TRHDE: variants seen among roughly 807,000 people sequenced by gnomAD.
TRHDE encodes the protein thyrotropin-releasing hormone-degrading ectoenzyme.
TRHDE carries 72 observed loss-of-function variants against 125.7 expected under a neutral mutation model. The ratio of observed to expected loss-of-function variants is 0.57; its 90% confidence interval spans 0.47 to 0.70. The LOEUF (loss-of-function observed/expected upper bound fraction) is 0.70. TRHDE is among the 30% of genes least tolerant of loss of function. TRHDE has a pLI of 0.00. For synonymous variants in TRHDE, 509 were observed against 509.1 expected, an observed-to-expected ratio of 1.00 and a Z score of 0.00; for missense variants, 1,110 against 1,327.1, an observed-to-expected ratio of 0.84 and a Z score of 2.54.
At chr12:72,236,159 T>C (rs1878334177) in intron 2 of TRHDE, among the ~76,000 whole-genome samples, 1 of 152,180 alleles carries the variant, frequency 6.6e-6, no homozygotes. Flanking sequence ...TTTTGGTATG[T>C]TTTTAAATAT....
chr12:72,621,168 T>G lies in TRHDE; in HGVS notation c.2530T>G (p.Phe844Val). The stretch of plus-strand genomic sequence containing the variant: ...CAAGCTTGGGTGGCCGAAAAATAAT[T>G]TTAATGGATCTCTTGTTCAAGCATC... ...YIKLGWPKNN[F>V]NGSLVQASYQ... is the part of the protein sequence containing the mutation. The change falls in exon 14 of 19, where the codon TTT becomes GTT. Residue 844 changes from phenylalanine to valine, a missense_variant. Phe to Val is a conservative substitution (Grantham distance 50). Transcript: ENST00000261180. 6.2e-7 allele frequency: 1 copy of G among 1,612,488 alleles called. No individual in the cohort carries two copies. The highest frequency in any genetic ancestry group is 2.2e-5 in the East Asian group (1 of 44,802).
chr12:72,542,194 G>T, intron 6 of TRHDE, 97 bp from the exon 7 acceptor site: 1 of 749,338 alleles, frequency 1.3e-6, no homozygotes, highest in Non-Finnish European at 2.0e-6. Context: ...TTTGAAAATA[G>T]AATAGCATGA....
chr12:72,489,309 GA>G (rs1237060906), intron 5 of TRHDE, among the ~76,000 whole-genome samples: 2 of 150,570 alleles, frequency 1.3e-5, no homozygotes, highest in East Asian at 3.9e-4. Context: ...AAATTAAAGT[GA>G]AGAAGTTTGA....
chr12:72,449,570 G>A (rs907926701), intron 3 of TRHDE, among the ~76,000 whole-genome samples: 4 of 151,898 alleles, frequency 2.6e-5, no homozygotes, highest in Admixed American at 1.3e-4. Context: ...TCTTTTCAGT[G>A]TCTCATAGCT....
intron 5 of TRHDE, among the ~76,000 whole-genome samples, chr12:72,478,178 CAA>C (rs1876987471): frequency 6.6e-6 from 1 of 152,260 alleles, no homozygotes; most frequent in South Asian, 2.1e-4. Flanking sequence ...ATTTTATTCT[CAA>C]ATGACTGATA....
At chr12:72,565,946 T>G (rs1244975779) in intron 9 of TRHDE, among the ~76,000 whole-genome samples, 1 of 152,100 alleles carries the variant, frequency 6.6e-6, no homozygotes, top group Non-Finnish European at 1.5e-5. Flanking sequence ...TCTAATTTCC[T>G]AAGTTATTTT....
At chr12:72,508,363 T>A (rs1565770569) in intron 6 of TRHDE, among the ~76,000 whole-genome samples, 1 of 152,196 alleles carries the variant, frequency 6.6e-6, no homozygotes, top group Non-Finnish European at 1.5e-5. Flanking sequence ...GGGGCAGAGC[T>A]GCCTAAGGCC....
At chr12:72,348,081 C>G (rs1870410958) in intron 2 of TRHDE, among the ~76,000 whole-genome samples, 1 of 151,814 alleles carries the variant, frequency 6.6e-6, no homozygotes, top group South Asian at 2.1e-4. Context: ...ATTATATATA[C>G]AGTATTTATG....
intron 5 of TRHDE, among the ~76,000 whole-genome samples, chr12:72,483,869 A>T (rs1307785130): frequency 6.6e-6 from 1 of 152,064 alleles, no homozygotes; most frequent in Non-Finnish European, 1.5e-5. Context: ...TTGAAAGTAA[A>T]GTACAAAAAT....
intron 2 of TRHDE, among the ~76,000 whole-genome samples, chr12:72,321,722 G>A (rs1258048542): frequency 3.9e-5 from 6 of 152,038 alleles, no homozygotes; most frequent in Non-Finnish European, 8.8e-5. Flanking sequence ...CATTATAGAG[G>A]TATACATTAA....
chr12:72,483,828 G>C (rs1187928342), intron 5 of TRHDE, among the ~76,000 whole-genome samples: 5 of 151,868 alleles, frequency 3.3e-5, no homozygotes, highest in African/African-American at 1.2e-4. Flanking sequence ...ATCAGACTAG[G>C]TTATTTGATA....
At chr12:72,281,844 A>T (rs1007130423) in intron 1 of TRHDE, among the ~76,000 whole-genome samples, 2 of 152,210 alleles carry the variant, frequency 1.3e-5, no homozygotes, top group African/African-American at 4.8e-5. Context: ...GACTTGATAC[A>T]AGTAGCTTGC....
chr12:72,567,843 T>G (rs896614598), intron 9 of TRHDE, among the ~76,000 whole-genome samples: 4 of 152,078 alleles, frequency 2.6e-5, no homozygotes, highest in African/African-American at 9.6e-5. Context: ...CTGACATTAC[T>G]GCATGTATAA....
intron 2 of TRHDE, among the ~76,000 whole-genome samples, chr12:72,291,925 T>C (rs1283467223): frequency 6.6e-6 from 1 of 152,212 alleles, no homozygotes; most frequent in Non-Finnish European, 1.5e-5. Context: ...CACTAAAATG[T>C]TGGGGCTACA....
At chr12:72,121,387 G>T (rs1875577431) in intron 2 of TRHDE, among the ~76,000 whole-genome samples, 1 of 152,172 alleles carries the variant, frequency 6.6e-6, no homozygotes, top group South Asian at 2.1e-4. Context: ...TGGAACTCAG[G>T]TTCCAACTAC....
rs1674676156 is a variant in TRHDE at position 72,581,151 on chromosome 12, C to A, written c.2321+5609C>A. 1.3e-5 allele frequency among the ~76,000 whole-genome samples: 2 copies of A among 152,112 alleles called. 1 individual carries two copies. Among genetic ancestry groups the A allele is most frequent in the South Asian group, 4.1e-4 (2 of 4,832 alleles). On this transcript the variant is annotated intron_variant, in intron 12 of 18. Coordinates refer to ENST00000261180, the MANE Select transcript of TRHDE (RefSeq NM_013381.3). ...TGGATAAAGCAGAGATTTGAGATTT[C>A]TCTGGAGTGGAATTGGCAGCCAGAT...
At chr12:72,656,853 C>CT (rs1053520977) in intron 17 of TRHDE, 74 bp from the exon 18 acceptor site, 6 of 1,053,668 alleles carry the variant, frequency 5.7e-6, no homozygotes, top group Non-Finnish European at 8.6e-6. Flanking sequence ...TGAGAAAACT[C>CT]TAAAAAATCT....
intron 2 of TRHDE, among the ~76,000 whole-genome samples, chr12:72,157,740 A>C (rs1876549347): frequency 1.3e-5 from 2 of 152,178 alleles, no homozygotes; most frequent in Non-Finnish European, 2.9e-5. Context: ...TTTTCTGTGA[A>C]GATGTTGAAT....
At chr12:72,294,101 G>A (rs1222473094) in intron 2 of TRHDE, among the ~76,000 whole-genome samples, 1 of 152,200 alleles carries the variant, frequency 6.6e-6, no homozygotes, top group Non-Finnish European at 1.5e-5. Context: ...GGGAGTCACA[G>A]CCCTGGCTCA....
Sources: allele counts gnomAD v4.1 joint callset (sites outside exome capture counted in the v4.1 genomes callset), GRCh38; gene constraint gnomAD v4.1.1; transcripts MANE v1.5; gene names NCBI Gene and HGNC (gene_info 2026-07-23, HGNC 2026-07-21).